ARB2A: variants seen among roughly 807,000 people sequenced by gnomAD.
The protein encoded by ARB2A is cotranscriptional regulator ARB2A.
the ARB2A span, among the ~76,000 whole-genome samples, chr5:93,906,311 G>C: frequency 1.9e-4 from 29 of 151,230 alleles, no homozygotes; most frequent in Admixed American, 9.9e-4. Context: ...AGCATAAAAA[G>C]GAGAGGCTAT....
chr5:94,054,898 C>T, the ARB2A span, among the ~76,000 whole-genome samples: 1 of 152,132 alleles, frequency 6.6e-6, no homozygotes, highest in Non-Finnish European at 1.5e-5. Context: ...ATTGTTCCAG[C>T]CATGACTATT....
At chr5:93,883,748 C>G in the ARB2A span, among the ~76,000 whole-genome samples, 23 of 151,386 alleles carry the variant, frequency 1.5e-4, no homozygotes, top group Admixed American at 8.6e-4. Flanking sequence ...TAGAGGCATT[C>G]AGTACACTGT....
At chr5:93,708,973 T>G in the ARB2A span, among the ~76,000 whole-genome samples, 1 of 152,136 alleles carries the variant, frequency 6.6e-6, no homozygotes. Flanking sequence ...AGTAAACTAC[T>G]GTATTATATA....
At chr5:93,944,161 A>G in the ARB2A span, among the ~76,000 whole-genome samples, 1 of 152,180 alleles carries the variant, frequency 6.6e-6, no homozygotes. Context: ...CTTTAACATT[A>G]TTTGTTTTAA....
chr5:93,828,537 G>T, the ARB2A span, among the ~76,000 whole-genome samples: 1 of 151,976 alleles, frequency 6.6e-6, no homozygotes, highest in African/African-American at 2.4e-5. Context: ...ATTTAATCTG[G>T]TTTAGCTCAA....
the ARB2A span, chr5:93,683,810 A>G: frequency 9.9e-7 from 1 of 1,012,296 alleles, no homozygotes; most frequent in Non-Finnish European, 1.5e-6. Flanking sequence ...GAATCACACC[A>G]GGCAAAAAGT....
At chr5:93,809,889 A>G in the ARB2A span, among the ~76,000 whole-genome samples, 2 of 152,186 alleles carry the variant, frequency 1.3e-5, no homozygotes, top group East Asian at 1.9e-4. Flanking sequence ...TATTTTCTCC[A>G]ATATATGGGA....
the ARB2A span, among the ~76,000 whole-genome samples, chr5:93,843,678 G>A: frequency 1.1e-4 from 16 of 151,978 alleles, no homozygotes; most frequent in South Asian, 3.1e-3. Flanking sequence ...AGAAATATTT[G>A]AAGAATAAAA....
At chr5:93,635,762 A>T in the ARB2A span, among the ~76,000 whole-genome samples, 1 of 152,226 alleles carries the variant, frequency 6.6e-6, no homozygotes, top group Non-Finnish European at 1.5e-5. Flanking sequence ...CTTATCGTGT[A>T]CTTGCTTTGC....
the ARB2A span, chr5:93,805,407 T>C: frequency 1.0e-6 from 1 of 985,104 alleles, no homozygotes; most frequent in Non-Finnish European, 1.2e-6. Flanking sequence ...AAAACCCCCG[T>C]TTCCCCAGAA....
chr5:94,025,504 G>C, the ARB2A span, among the ~76,000 whole-genome samples: 2 of 152,154 alleles, frequency 1.3e-5, no homozygotes, highest in African/African-American at 4.8e-5. Flanking sequence ...GGAGGTTAAG[G>C]CTTCAACATA....
chr5:93,768,542 C>T, the ARB2A span, among the ~76,000 whole-genome samples: 38 of 149,454 alleles, frequency 2.5e-4, 1 homozygote, highest in African/African-American at 8.1e-4. Flanking sequence ...CTATATATAG[C>T]GTATACATTT....
At chr5:94,064,960 T>C in the ARB2A span, among the ~76,000 whole-genome samples, 3 of 151,874 alleles carry the variant, frequency 2.0e-5, no homozygotes, top group South Asian at 2.1e-4. Context: ...GTTACCACTA[T>C]AGAAAACAAC....
At chr5:93,781,433 C>T in the ARB2A span, among the ~76,000 whole-genome samples, 1 of 152,036 alleles carries the variant, frequency 6.6e-6, no homozygotes, top group Admixed American at 6.6e-5. Flanking sequence ...ATCCAGTCAT[C>T]CTTTGATGGA....
chr5:93,795,912 T>C, the ARB2A span, among the ~76,000 whole-genome samples: 55 of 151,888 alleles, frequency 3.6e-4, no homozygotes, highest in African/African-American at 1.2e-3. Context: ...TGGGGAATGA[T>C]TGGATTTTCT....
chr5:93,740,728 CCCA>C, the ARB2A span: 1 of 1,612,868 alleles, frequency 6.2e-7, no homozygotes, highest in African/African-American at 1.3e-5. Flanking sequence ...CCCGGCTGTC[CCCA>C]CAATCTCCCG....
At chr5:94,067,545 G>T in the ARB2A span, among the ~76,000 whole-genome samples, 1 of 152,024 alleles carries the variant, frequency 6.6e-6, no homozygotes, top group Non-Finnish European at 1.5e-5. Context: ...TAATAAATGA[G>T]CTGAGAAAGT....
the ARB2A span, chr5:93,683,105 T>C: frequency 7.7e-6 from 12 of 1,558,282 alleles, no homozygotes; most frequent in African/African-American, 6.8e-5. Flanking sequence ...ATTTGACTTT[T>C]GTGCATTTTT....
chr5:93,712,615 T>C, the ARB2A span, among the ~76,000 whole-genome samples: 1 of 152,042 alleles, frequency 6.6e-6, no homozygotes, highest in Non-Finnish European at 1.5e-5. Context: ...AGAATCAATA[T>C]GCAAAAATCA....
Sources: allele counts gnomAD v4.1 joint callset (sites outside exome capture counted in the v4.1 genomes callset), GRCh38; gene constraint gnomAD v4.1.1; transcripts MANE v1.5; gene names NCBI Gene and HGNC (gene_info 2026-07-23, HGNC 2026-07-21).